Variants in CPLX4 observed in about 807,000 individuals in gnomAD.
The protein encoded by CPLX4 is complexin-4.
CPLX4 carries 17 observed loss-of-function variants against 16.1 expected under a neutral mutation model. The ratio of observed to expected loss-of-function variants is 1.06; its 90% CI spans 0.72 to 1.59. The LOEUF (loss-of-function observed/expected upper bound fraction) is 1.59. CPLX4 is among the 40% of genes most tolerant of loss of function. The probability of loss-of-function intolerance (pLI) is 0.00; values close to 1 mark genes in which losing one functional copy is unlikely to be tolerated. For synonymous variants in CPLX4, 55 were observed against 57.8 expected (o/e 0.95, Z 0.22); for missense variants, 193 against 192.9 (o/e 1.00, Z 0.00).
At position 59,296,830 on chromosome 18, in the gene CPLX4, T is replaced by C. The variant is rs890935895; in HGVS notation, c.351A>G (p.Glu117=). 7 of 1,613,796 alleles carry C rather than the reference T, an allele frequency of 4.3e-6. No individual in the cohort carries two copies. The African/African-American group carries it at 5.3e-5, about 12-fold the overall frequency. The change falls in exon 3 of 3, where the codon GAA becomes GAG. Residue 117 remains glutamate (E), a synonymous_variant. Transcript: ENST00000299721. The part of the protein sequence containing the change: ...RKMVDEDQEE[E]EDKDSILGQI... ...GCCCAAGAATAGAATCTTTATCTTC[T>C]TCCTCTTCTTGATCTTCATCTACCA...
chr18:59,310,676 G>A (rs1331197300), intron 2 of CPLX4, among the ~76,000 whole-genome samples: 1 of 152,078 alleles, frequency 6.6e-6, no homozygotes, highest in Admixed American at 6.5e-5. Flanking sequence ...GTTGTACTAG[G>A]TCCTTTATAT....
chr18:59,316,551 A>C (rs2070652696), intron 1 of CPLX4, among the ~76,000 whole-genome samples: 1 of 152,160 alleles, frequency 6.6e-6, no homozygotes, highest in Non-Finnish European at 1.5e-5. Flanking sequence ...AATGGACTGA[A>C]AGTCATCCCT....
At chr18:59,313,423 G>A (rs959926828) in intron 1 of CPLX4, among the ~76,000 whole-genome samples, 16 of 152,192 alleles carry the variant, frequency 1.1e-4, no homozygotes, top group Non-Finnish European at 2.4e-4. Flanking sequence ...CCTGCTGTGT[G>A]AATGATCTAA....
intron 2 of CPLX4, among the ~76,000 whole-genome samples, chr18:59,297,269 C>T (rs1001475848): frequency 6.6e-6 from 1 of 150,628 alleles, no homozygotes; most frequent in Non-Finnish European, 1.5e-5. Flanking sequence ...TGGAGCCCAG[C>T]CATCTGGAAT....
At chr18:59,315,522 T>C (rs892192176) in intron 1 of CPLX4, among the ~76,000 whole-genome samples, 1 of 152,332 alleles carries the variant, frequency 6.6e-6, no homozygotes, top group Non-Finnish European at 1.5e-5. Context: ...TAAAAGTTTT[T>C]AACTTAGAGT....
rs762071719 is a variant in CPLX4 at position 59,312,760 on chromosome 18, A to C, written c.180T>G (p.Asp60Glu). Residue 60 changes from aspartate to glutamate, a missense_variant, in exon 2 of 3, where the codon GAT becomes GAG. Asp to Glu is a conservative substitution (Grantham distance 45). Transcript: ENST00000299721. The part of the protein sequence containing the change: ...KQMIEEKMER[D>E]AAFTQKKAER... ...CTGCCTTTTTCTGTGTAAATGCAGCATCTCTTTCCATCCTAAAAGTTAAAG... is the reference window on the plus strand; with the variant it reads ...CTGCCTTTTTCTGTGTAAATGCAGCCTCTCTTTCCATCCTAAAAGTTAAAG... The C allele has an allele frequency of 5.0e-5, 66 of 1,330,892 alleles. No individual in the cohort carries two copies. The highest frequency in any genetic ancestry group is 6.8e-5 in the Non-Finnish European group (63 of 922,318). The allele number at this position is 1,330,892 out of a possible 1,614,324, so 82.4% of individuals were successfully genotyped here.
rs1407186463 is a variant in CPLX4 at position 59,296,985 on chromosome 18, A to G, written c.256-60T>C. The stretch of plus-strand genomic sequence containing the variant: ...TCTAAACTACTAACTCACTAACTAA[A>G]TAAATTTTAAAAGCAGCAGGAAAAG... On this transcript the variant is annotated intron_variant, in intron 2 of 2. Coordinates refer to ENST00000299721, the MANE Select transcript of CPLX4 (RefSeq NM_181654.4). The G allele has an allele frequency of 5.8e-6, 9 of 1,550,882 alleles. No homozygotes were observed. The East Asian group carries it at 1.8e-4, about 31-fold the overall frequency.
chr18:59,304,816 C>T (rs1379423086), intron 2 of CPLX4, among the ~76,000 whole-genome samples: 2 of 152,134 alleles, frequency 1.3e-5, no homozygotes, highest in Non-Finnish European at 2.9e-5. Context: ...GTGATCTGCC[C>T]ACCTCGGCTT....
At chr18:59,301,696 T>A (rs1344855006) in intron 2 of CPLX4, among the ~76,000 whole-genome samples, 1 of 152,214 alleles carries the variant, frequency 6.6e-6, no homozygotes, top group East Asian at 1.9e-4. Flanking sequence ...TATTCAAGTA[T>A]CTCCTTTGTA....
At chr18:59,304,869 C>T (rs1021185903) in intron 2 of CPLX4, among the ~76,000 whole-genome samples, 2 of 151,806 alleles carry the variant, frequency 1.3e-5, no homozygotes, top group Admixed American at 6.6e-5. Context: ...TGCGCCCGGC[C>T]GGGCATTTTT....
intron 2 of CPLX4, among the ~76,000 whole-genome samples, chr18:59,305,911 C>T (rs552913653): frequency 1.2e-4 from 18 of 152,164 alleles, no homozygotes; most frequent in South Asian, 8.3e-4. Context: ...AGAAGCAGTA[C>T]GAGAACAGGA....
At chr18:59,312,200 G>A (rs902910612) in intron 2 of CPLX4, among the ~76,000 whole-genome samples, 1 of 152,080 alleles carries the variant, frequency 6.6e-6, no homozygotes, top group Non-Finnish European at 1.5e-5. Flanking sequence ...TCCTTGTTGT[G>A]TATTTACATA....
At chr18:59,314,716 G>T (rs2070641256) in intron 1 of CPLX4, among the ~76,000 whole-genome samples, 2 of 152,212 alleles carry the variant, frequency 1.3e-5, no homozygotes, top group South Asian at 2.1e-4. Context: ...ACCATAGATT[G>T]GTTTTGCCTG....
chr18:59,296,480 C>T lies in CPLX4; in HGVS notation c.*218G>A, dbSNP rs2070501291. Reference sequence around the variant, plus strand: ...ACAACTGAAATTTTCCAGTTTATCTCATTTATAACTAAAAGGAAAGTAAGG... The same window carrying T: ...ACAACTGAAATTTTCCAGTTTATCTTATTTATAACTAAAAGGAAAGTAAGG... On this transcript the variant is annotated 3_prime_UTR_variant, in exon 3 of 3. Transcript: ENST00000299721. 8 of 582,686 alleles carry T rather than the reference C, an allele frequency of 1.4e-5. No homozygotes were observed. The South Asian group carries it at 1.7e-4, about 13-fold the overall frequency. The allele number at this position is 582,686 out of a possible 1,614,324, so 36.1% of individuals were successfully genotyped here.
At chr18:59,299,667 CTTCT>C (rs1458632272) in intron 2 of CPLX4, among the ~76,000 whole-genome samples, 1 of 152,188 alleles carries the variant, frequency 6.6e-6, no homozygotes, top group Non-Finnish European at 1.5e-5. Flanking sequence ...TATCCTTGTG[CTTCT>C]TGCTCAGGGA....
intron 2 of CPLX4, among the ~76,000 whole-genome samples, chr18:59,303,517 A>C (rs2070555806): frequency 6.6e-6 from 1 of 152,194 alleles, no homozygotes; most frequent in Non-Finnish European, 1.5e-5. Context: ...ATGAGAACCT[A>C]GCACAGCTGC....
rs143631703 is a variant in CPLX4 at position 59,301,056 on chromosome 18, C to T, written c.256-4131G>A. On this transcript the variant is annotated intron_variant, in intron 2 of 2. Transcript: ENST00000299721. ...CCTCTTTTTTTTCCAGTTCCTGGTG[C>T]CAGCCCTCACTGGGAAGGGCCTTAG... 3.6e-3 allele frequency among the ~76,000 whole-genome samples: 555 copies of T among 152,332 alleles called. 5 individuals are homozygous for T. The highest frequency in any genetic ancestry group is 0.013 in the African/African-American group (525 of 41,576).
chr18:59,303,273 T>C (rs542907187), intron 2 of CPLX4, among the ~76,000 whole-genome samples: 1 of 152,312 alleles, frequency 6.6e-6, no homozygotes, highest in South Asian at 2.1e-4. Context: ...TCTTGAAGAA[T>C]AGGCATCAGT....
chr18:59,301,926 G>A (rs2070544365), intron 2 of CPLX4, among the ~76,000 whole-genome samples: 1 of 152,240 alleles, frequency 6.6e-6, no homozygotes, highest in Non-Finnish European at 1.5e-5. Flanking sequence ...AGCCTCGCAA[G>A]CATCTAAGCT....
Sources: allele counts gnomAD v4.1 joint callset (sites outside exome capture counted in the v4.1 genomes callset), GRCh38; gene constraint gnomAD v4.1.1; transcripts MANE v1.5; gene names NCBI Gene and HGNC (gene_info 2026-07-23, HGNC 2026-07-21).